The following RHBDL2 variants were observed in gnomAD, a reference collection of about 807,000 sequenced individuals.
The protein encoded by RHBDL2 is rhomboid-related protein 2.
RHBDL2 carries 26 observed loss-of-function variants against 31.7 expected under a neutral mutation model. The observed-to-expected ratio is 0.82, with a 90% CI of 0.60 to 1.14. The LOEUF (loss-of-function observed/expected upper bound fraction) is 1.14. RHBDL2 is among the 50% of genes most tolerant of loss of function. RHBDL2 has a pLI of 0.00. For synonymous variants in RHBDL2, 123 were observed against 127.2 expected (o/e 0.97, Z 0.22); for missense variants, 336 against 364.4 (o/e 0.92, Z 0.63).
chr1:38,904,667 A>C (rs1643038118), intron 4 of RHBDL2, among the ~76,000 whole-genome samples: 1 of 149,138 alleles, frequency 6.7e-6, no homozygotes, highest in Non-Finnish European at 1.5e-5. Flanking sequence ...GTCTCTACAG[A>C]AATAAAAAAA....
intron 6 of RHBDL2, among the ~76,000 whole-genome samples, chr1:38,890,039 C>CT (rs767253851): frequency 0.022 from 2,990 of 138,302 alleles, 119 homozygotes; most frequent in African/African-American, 0.07. Context: ...ATAATATTTT[C>CT]TTTTTTTTTT....
At chr1:38,910,753 CTT>C (rs765064879) in intron 4 of RHBDL2, among the ~76,000 whole-genome samples, 6,702 of 111,172 alleles carry the variant, frequency 0.06, 213 homozygotes, top group African/African-American at 0.11. Context: ...TATTCCTTTT[CTT>C]TTTTTTTTTT....
chr1:38,914,452 G>C (rs2124330837), intron 3 of RHBDL2, among the ~76,000 whole-genome samples: 1 of 151,800 alleles, frequency 6.6e-6, no homozygotes, highest in East Asian at 2.0e-4. Context: ...ATATTGGTCA[G>C]GCTGGTCTTG....
intron 1 of RHBDL2, among the ~76,000 whole-genome samples, chr1:38,928,299 G>A (rs148490910): frequency 0.013 from 1,904 of 151,926 alleles, 44 homozygotes; most frequent in African/African-American, 0.04. Context: ...CTGCCACCAC[G>A]CCCAGCTAAT....
At chr1:38,895,644 C>A in intron 5 of RHBDL2, among the ~76,000 whole-genome samples, 1 of 151,946 alleles carries the variant, frequency 6.6e-6, no homozygotes, top group East Asian at 1.9e-4. Flanking sequence ...GCTCTACAAA[C>A]AATAAAAACA....
At chr1:38,894,314 T>TTTGTTGTTG (rs370276049) in intron 5 of RHBDL2, among the ~76,000 whole-genome samples, 5 of 151,766 alleles carry the variant, frequency 3.3e-5, no homozygotes, top group African/African-American at 1.2e-4. Context: ...TACCTAGAAT[T>TTTGTTGTTG]TTGTTGTTGT....
rs2124325433 is a variant in RHBDL2, at chr1:38,911,443, A to G, written c.396-9T>C. The G allele has an allele frequency of 6.3e-7, 1 of 1,577,058 alleles. No homozygotes were observed. The highest frequency in any genetic ancestry group is 8.7e-7 in the Non-Finnish European group (1 of 1,146,218). ...CCAAGATGTGCTGAACTCTGCAAAG[A>G]CAAACAATAGTTGTCAAATATTATG... is the stretch of plus-strand genomic sequence containing the variant. On this transcript the variant is annotated splice_polypyrimidine_tract_variant and intron_variant, in intron 3 of 7. Coordinates refer to ENST00000372990, the MANE Select transcript of RHBDL2 (RefSeq NM_017821.5).
At chr1:38,918,175 A>G (rs1237506738) in intron 2 of RHBDL2, among the ~76,000 whole-genome samples, 1 of 152,056 alleles carries the variant, frequency 6.6e-6, no homozygotes, top group Non-Finnish European at 1.5e-5. Context: ...GGGAACACAC[A>G]CCTATTGATT....
chr1:38,931,141 A>G (rs998785319), intron 1 of RHBDL2, among the ~76,000 whole-genome samples: 1 of 152,166 alleles, frequency 6.6e-6, no homozygotes, highest in Non-Finnish European at 1.5e-5. Context: ...AAGGCCTGGC[A>G]CTTGTATCTT....
chr1:38,913,289 T>G (rs1346763035), intron 3 of RHBDL2, among the ~76,000 whole-genome samples: 1 of 151,992 alleles, frequency 6.6e-6, no homozygotes, highest in East Asian at 1.9e-4. Flanking sequence ...TACTATATAC[T>G]ATAATACTGT....
chr1:38,931,732 C>T (rs1570942616), intron 1 of RHBDL2, among the ~76,000 whole-genome samples: 1 of 151,948 alleles, frequency 6.6e-6, no homozygotes, highest in Non-Finnish European at 1.5e-5. Context: ...AGGAAACCAC[C>T]TCCTGTTCTC....
intron 4 of RHBDL2, among the ~76,000 whole-genome samples, chr1:38,906,491 G>C (rs561261033): frequency 6.6e-6 from 1 of 151,870 alleles, no homozygotes; most frequent in Non-Finnish European, 1.5e-5. Flanking sequence ...TGGCTAACAC[G>C]GTGAAACCCT....
intron 1 of RHBDL2, among the ~76,000 whole-genome samples, chr1:38,934,394 C>T (rs1465682181): frequency 6.6e-6 from 1 of 151,640 alleles, no homozygotes; most frequent in Non-Finnish European, 1.5e-5. Context: ...GGGTGGCTCA[C>T]ACTTGTAATC....
At chr1:38,926,008 A>G (rs745529195) in intron 1 of RHBDL2, 15 of 1,272,460 alleles carry the variant, frequency 1.2e-5, no homozygotes, top group Non-Finnish European at 1.5e-5. Flanking sequence ...GGATTCTTTG[A>G]CAACATGTAC....
At chr1:38,896,099 A>G in intron 4 of RHBDL2, 30 bp from the exon 5 acceptor site, 1 of 1,466,656 alleles carries the variant, frequency 6.8e-7, no homozygotes, top group Non-Finnish European at 9.5e-7. Context: ...AGGATCAGAC[A>G]TGACTATACG....
At chr1:38,906,019 A>G (rs1177564354) in intron 4 of RHBDL2, among the ~76,000 whole-genome samples, 1 of 151,194 alleles carries the variant, frequency 6.6e-6, no homozygotes, top group Non-Finnish European at 1.5e-5. Flanking sequence ...GTGAGCCAAG[A>G]TCGTGCCATT....
rs985728280 is a variant in RHBDL2, at chr1:38,886,301, T to C, written c.*203A>G. On this transcript the variant is annotated 3_prime_UTR_variant, in exon 8 of 8. Coordinates refer to ENST00000372990, the MANE Select transcript of RHBDL2 (RefSeq NM_017821.5). ...CCTTCTTTTCTCTCTTCTTCTTCCC[T>C]TTCTACATTAAGAAGCCCCTTCCTT... 73 of 361,904 alleles carry C rather than the reference T, an allele frequency of 2.0e-4. No individual in the cohort carries two copies. The highest frequency in any genetic ancestry group is 3.3e-4 in the Non-Finnish European group (67 of 203,826). The allele number at this position is 361,904 out of a possible 1,614,324, so 22.4% of individuals were successfully genotyped here.
Position 38,916,201 on chromosome 1 carries a change from A to G in RHBDL2, c.247-491T>C, listed in dbSNP as rs74739921. Among the ~76,000 whole-genome samples, 1,120 of 152,312 alleles carry G rather than the reference A, an allele frequency of 7.4e-3. 18 individuals are homozygous for G. Among genetic ancestry groups the G allele is most frequent in the African/African-American group, 0.026 (1,097 of 41,562 alleles). On this transcript the variant is annotated intron_variant, in intron 2 of 7. Coordinates refer to ENST00000372990, the MANE Select transcript of RHBDL2 (RefSeq NM_017821.5). ...GAGGTGAATGTCCCAGTGATGCCAC[A>G]TGATGTCCTCAACCTTCTGAGGCTA...
At chr1:38,924,395 T>C (rs1467852907) in intron 1 of RHBDL2, among the ~76,000 whole-genome samples, 2 of 151,992 alleles carry the variant, frequency 1.3e-5, no homozygotes, top group Middle Eastern at 3.2e-3. Flanking sequence ...GAGATCGAGA[T>C]CATCCTGGCT....
Sources: gnomAD v4.1 joint callset for allele counts (sites outside exome capture counted in the v4.1 genomes callset) on GRCh38, gnomAD v4.1.1 for gene constraint, MANE v1.5 for transcripts, NCBI Gene and HGNC (gene_info 2026-07-23, HGNC 2026-07-21) for gene names.